The following PHKG2 variants were observed in gnomAD, a reference collection of about 807,000 sequenced individuals.
The protein encoded by PHKG2 is phosphorylase b kinase gamma catalytic chain, liver/testis isoform.
A neutral mutation model predicts 44.5 loss-of-function variants in PHKG2; 28 were observed. The ratio of observed to expected loss-of-function variants is 0.63; its 90% confidence interval spans 0.47 to 0.86. The LOEUF (loss-of-function observed/expected upper bound fraction) is 0.86. PHKG2 is among the 40% of genes least tolerant of loss of function. PHKG2 has a pLI of 0.00. For missense variants in PHKG2, 498 were observed against 547.5 expected, an observed-to-expected ratio of 0.91 and a Z score of 0.90; for synonymous variants, 220 against 211.2, an observed-to-expected ratio of 1.04 and a Z score of -0.36.
Position 30,759,770 on chromosome 16 carries a change from C to CGAT in PHKG2, c.*2673_*2674insGAT, listed in dbSNP as rs1264728499. On this transcript the variant is annotated 3_prime_UTR_variant, in exon 10 of 10. Coordinates refer to ENST00000563588, the MANE Select transcript of PHKG2 (RefSeq NM_000294.3). ...CAGCAGTGAGGCCCTCTCTGGTATC[C>CGAT]ATTCATTCACTTCACTCAACAGCTG... 1 of 1,560,216 alleles carries CGAT rather than the reference C, an allele frequency of 6.4e-7. No homozygotes were observed. Among genetic ancestry groups the CGAT allele is most frequent in the Non-Finnish European group, 8.7e-7 (1 of 1,155,256 alleles).
Position 30,759,325 on chromosome 16 carries a change from G to T in PHKG2, c.*2228G>T. 9 of 1,612,696 alleles carry T rather than the reference G, an allele frequency of 5.6e-6. No individual in the cohort carries two copies. Among genetic ancestry groups the T allele is most frequent in the Non-Finnish European group, 7.6e-6 (9 of 1,178,866 alleles). ...GGGGCGGTTGAGGGTGGCTCCTCATGGTCCACCACCCCCTACCTGGGGTGT... is the reference window on the plus strand; with the variant it reads ...GGGGCGGTTGAGGGTGGCTCCTCATTGTCCACCACCCCCTACCTGGGGTGT... On this transcript the variant is annotated 3_prime_UTR_variant, in exon 10 of 10. Transcript: ENST00000563588.
chr16:30,757,535 T>C lies in PHKG2; in HGVS notation c.*438T>C, dbSNP rs2053459349. On this transcript the variant is annotated 3_prime_UTR_variant, in exon 10 of 10. Coordinates refer to ENST00000563588, the MANE Select transcript of PHKG2 (RefSeq NM_000294.3). ...AGCTGGAAGGGCCGCTCTAGTGCAG[T>C]CAACTTGCTGCTGAGCCTTTCCTCG... 1.2e-6 allele frequency: 2 copies of C among 1,614,226 alleles called. No homozygotes were observed. The highest frequency in any genetic ancestry group is 2.2e-5 in the East Asian group (1 of 44,884).
At position 30,753,433 on chromosome 16, in the gene PHKG2, C is replaced by T. The variant is rs761161501; in HGVS notation, c.432C>T (p.Leu144=). ...MRSLLEAVSF[L]HANNIVHRDL... ...CTCTGCTGGAAGCAGTGAGCTTTCT[C>T]CATGCCAACAACATTGTGCATCGAG... The change falls in exon 6 of 10, where the codon CTC becomes CTT. Residue 144 remains leucine (L), a synonymous_variant. Transcript: ENST00000563588. The T allele has an allele frequency of 1.2e-6, 2 of 1,614,200 alleles. No homozygotes were observed. Among genetic ancestry groups the T allele is most frequent in the South Asian group, 1.1e-5 (1 of 91,088 alleles).
Position 30,760,695 on chromosome 16 carries a change from T to G in PHKG2, c.*3598T>G. On this transcript the variant is annotated 3_prime_UTR_variant, in exon 10 of 10. Transcript: ENST00000563588. ...TGTTATAGTAAAAGAAAAAGAGTAT[T>G]GGTGGCCGTTACCTATCATGACAAG... 6.5e-7 allele frequency: 1 copy of G among 1,547,260 alleles called. No homozygotes were observed. The highest frequency in any genetic ancestry group is 8.7e-7 in the Non-Finnish European group (1 of 1,143,102).
Position 30,751,185 on chromosome 16 carries a change from GCTGAGCGGCTGAGTC to G in PHKG2, c.182_196del (p.Arg61_Glu65del). 1 of 1,613,878 alleles carries G rather than the reference GCTGAGCGGCTGAGTC, an allele frequency of 6.2e-7. No homozygotes were observed. Among genetic ancestry groups the G allele is most frequent in the Non-Finnish European group, 8.5e-7 (1 of 1,180,030 alleles). ...TGCGGTGAAGATTATGGAAGTGACA[GCTGAGCGGCTGAGTC>G]CTGAGCAGCTGGAGGAGGTGCGGGA... On this transcript the variant is annotated inframe_deletion, in exon 3 of 10. Coordinates refer to ENST00000563588, the MANE Select transcript of PHKG2 (RefSeq NM_000294.3).
intron 2 of PHKG2, 145 bp from the exon 3 acceptor site, chr16:30,750,961 C>A: frequency 3.7e-6 from 3 of 820,212 alleles, no homozygotes; most frequent in Non-Finnish European, 6.1e-6. Flanking sequence ...GCTGTGAAGC[C>A]AGGGTGAGCT....
rs755298493 is a variant in PHKG2 at position 30,756,696 on chromosome 16, C to G, written c.908C>G (p.Thr303Ser). 6.2e-7 allele frequency: 1 copy of G among 1,613,882 alleles called. No homozygotes were observed. Among genetic ancestry groups the G allele is most frequent in the Admixed American group, 1.7e-5 (1 of 60,000 alleles). Residue 303 changes from threonine to serine, a missense_variant, in exon 9 of 10, where the codon ACC becomes AGC. Transcript: ENST00000563588. ...GAAGGCAGCCAACCCTGGAACCTCACCCCCCGCCAGCGGTTCCGGGTAAGC... is the reference window on the plus strand; with the variant it reads ...GAAGGCAGCCAACCCTGGAACCTCAGCCCCCGCCAGCGGTTCCGGGTAAGC... The part of the protein sequence containing the change: ...RCEGSQPWNL[T>S]PRQRFRVAVW...
In PHKG2 at chr16:30,760,744, C is replaced by T. The variant is rs1189663951; in HGVS notation, c.*3647C>T. The T allele has an allele frequency of 1.2e-5, 16 of 1,378,636 alleles. No individual in the cohort carries two copies. Among genetic ancestry groups the T allele is most frequent in the Non-Finnish European group, 1.5e-5 (15 of 992,328 alleles). 85.4% of individuals were successfully genotyped at this position (1,378,636 alleles called of 1,614,324 possible). A position where few individuals can be genotyped will look rare whatever the true frequency, so the allele number is the denominator to read the frequency against. On this transcript the variant is annotated 3_prime_UTR_variant, in exon 10 of 10. Coordinates refer to ENST00000563588, the MANE Select transcript of PHKG2 (RefSeq NM_000294.3). ...AGGCTGTGACAGCTAGTGCGTGAGACTGGGAGTTGGCCACCGGCGTGAAGC... is the reference window on the plus strand; with the variant it reads ...AGGCTGTGACAGCTAGTGCGTGAGATTGGGAGTTGGCCACCGGCGTGAAGC...
chr16:30,759,141 T>C lies in PHKG2; in HGVS notation c.*2044T>C. Reference sequence around the variant, plus strand: ...CAGGAAGAGACTGTGGCCCCAGGCCTGGCCCAGCCCAGCCCTGCCCTGGCA... The same window carrying C: ...CAGGAAGAGACTGTGGCCCCAGGCCCGGCCCAGCCCAGCCCTGCCCTGGCA... On this transcript the variant is annotated 3_prime_UTR_variant, in exon 10 of 10. Transcript: ENST00000563588. 1 of 1,614,204 alleles carries C rather than the reference T, an allele frequency of 6.2e-7. No individual in the cohort carries two copies. The highest frequency in any genetic ancestry group is 1.1e-5 in the South Asian group (1 of 91,086).
rs1174129692 is a variant in PHKG2 at position 30,759,769 on chromosome 16, C to T, written c.*2672C>T. ...GCAGCAGTGAGGCCCTCTCTGGTAT[C>T]CATTCATTCACTTCACTCAACAGCT... On this transcript the variant is annotated 3_prime_UTR_variant, in exon 10 of 10. Coordinates refer to ENST00000563588, the MANE Select transcript of PHKG2 (RefSeq NM_000294.3). 6.4e-7 allele frequency: 1 copy of T among 1,561,888 alleles called. No individual in the cohort carries two copies. The highest frequency in any genetic ancestry group is 8.7e-7 in the Non-Finnish European group (1 of 1,155,978).
chr16:30,756,300 C>A, intron 7 of PHKG2, 28 bp downstream of exon 7: 1 of 1,614,034 alleles, frequency 6.2e-7, no homozygotes. Flanking sequence ...CCCTCCCTCC[C>A]GTGCTTGCTG....
chr16:30,750,128 CAAGAGT>C (rs1156876467), intron 2 of PHKG2, among the ~76,000 whole-genome samples: 1 of 151,952 alleles, frequency 6.6e-6, no homozygotes, highest in Non-Finnish European at 1.5e-5. Context: ...GTGAAGTGGC[CAAGAGT>C]AAGAGAGTAG....
chr16:30,760,969 A>G lies in PHKG2; in HGVS notation c.*3872A>G, dbSNP rs147660704. ...TGTCCCCCTCTGTACAATACTCCTT[A>G]GCGGCCATGAGACTCCATTTACATT... On this transcript the variant is annotated 3_prime_UTR_variant, in exon 10 of 10. Coordinates refer to ENST00000563588, the MANE Select transcript of PHKG2 (RefSeq NM_000294.3). The G allele has an allele frequency of 4.6e-3, 2,808 of 612,780 alleles. 14 individuals are homozygous for G. The highest frequency in any genetic ancestry group is 6.2e-3 in the Non-Finnish European group (2,151 of 348,548). The allele number at this position is 612,780 out of a possible 1,614,324, so 38.0% of individuals were successfully genotyped here.
intron 4 of PHKG2, 95 bp from the exon 5 acceptor site, chr16:30,753,137 G>T: frequency 1.0e-6 from 1 of 957,710 alleles, no homozygotes. Context: ...TCTATCTTTA[G>T]TGGCCTCTTC....
Position 30,760,222 on chromosome 16 carries a change from C to T in PHKG2, c.*3125C>T. On this transcript the variant is annotated 3_prime_UTR_variant, in exon 10 of 10. Coordinates refer to ENST00000563588, the MANE Select transcript of PHKG2 (RefSeq NM_000294.3). ...CCCCTGCTTCTGCTTCCCATGGTCA[C>T]TTGTGCCAGGCCCGGTTCCTCTTCT... 1.2e-6 allele frequency: 2 copies of T among 1,612,770 alleles called. No homozygotes were observed. The highest frequency in any genetic ancestry group is 1.1e-5 in the South Asian group (1 of 91,084).
rs554920657 is a variant in PHKG2, at chr16:30,756,702, G to A, written c.914G>A (p.Arg305His). The change falls in exon 9 of 10, where the codon CGC (arginine) becomes CAC (histidine). Residue 305 changes from arginine to histidine, a missense_variant. Coordinates refer to ENST00000563588, the MANE Select transcript of PHKG2 (RefSeq NM_000294.3). ...AGCCAACCCTGGAACCTCACCCCCC[G>A]CCAGCGGTTCCGGGTAAGCCTGAGT... ...EGSQPWNLTP[R>H]QRFRVAVWTV... 14 of 1,613,834 alleles carry A rather than the reference G, an allele frequency of 8.7e-6. No homozygotes were observed. The highest frequency in any genetic ancestry group is 2.2e-5 in the East Asian group (1 of 44,880).
Position 30,757,072 on chromosome 16 carries a change from A to G in PHKG2, c.1196A>G (p.Asp399Gly). ...GGAGACTCTGCTGCTATAACTGAGGATGAGGCCGTGCTTGTGCTGGGCTAG... is the reference window on the plus strand; with the variant it reads ...GGAGACTCTGCTGCTATAACTGAGGGTGAGGCCGTGCTTGTGCTGGGCTAG... ...EEGDSAAITE[D>G]EAVLVLG Residue 399 changes from aspartate to glycine, a missense_variant, in exon 10 of 10, where the codon GAT becomes GGT. Asp to Gly is a moderately conservative substitution (Grantham distance 94, BLOSUM62 -1). Transcript: ENST00000563588. The G allele has an allele frequency of 1.2e-6, 2 of 1,613,342 alleles. No individual in the cohort carries two copies. The highest frequency in any genetic ancestry group is 1.7e-6 in the Non-Finnish European group (2 of 1,180,028).
chr16:30,751,941 A>C, intron 4 of PHKG2: 3 of 324,408 alleles, frequency 9.2e-6, no homozygotes, highest in Non-Finnish European at 1.8e-5. Context: ...AAAATACAAA[A>C]AATCAGCCGG....
At chr16:30,752,482 A>G (rs2053364910) in intron 4 of PHKG2, 1 of 152,708 alleles carries the variant, frequency 6.5e-6, no homozygotes, top group Non-Finnish European at 1.5e-5. Flanking sequence ...CACGCTAACT[A>G]TTCTGGTGTC....
Sources: gnomAD v4.1 joint callset for allele counts (sites outside exome capture counted in the v4.1 genomes callset) on GRCh38, gnomAD v4.1.1 for gene constraint, MANE v1.5 for transcripts, NCBI Gene and HGNC (gene_info 2026-07-23, HGNC 2026-07-21) for gene names.